The following SYT9 variants were observed in gnomAD, a reference collection of about 807,000 sequenced individuals.
The protein encoded by SYT9 is synaptotagmin 9.
Under a neutral mutation model 48.4 loss-of-function variants are expected in SYT9, and 22 were observed. The ratio of observed to expected loss-of-function variants is 0.45; its 90% CI spans 0.32 to 0.65. The LOEUF (loss-of-function observed/expected upper bound fraction) is 0.65. Among genes scored for constraint, SYT9 ranks in the 30% least tolerant of loss-of-function variants. SYT9 has a pLI of 0.03. For missense variants in SYT9, 577 were observed against 622.0 expected (o/e 0.93, Z 0.77); for synonymous variants, 265 against 245.0 (o/e 1.08, Z -0.76).
In SYT9 at chr11:7,420,608, C is replaced by T. The variant is rs1158329303; in HGVS notation, c.1440C>T (p.Pro480=). Residue 480 remains proline, a synonymous_variant, in exon 6 of 7, where the codon CCC becomes CCT. Coordinates refer to ENST00000318881, the MANE Select transcript of SYT9 (RefSeq NM_175733.4). ...AAATGTTGTCATATCCTCGGAAGCCCATTGCACACTGGCATTCCCTGGTGG... is the reference window on the plus strand; with the variant it reads ...AAATGTTGTCATATCCTCGGAAGCCTATTGCACACTGGCATTCCCTGGTGG... The part of the protein sequence containing the change: ...WSEMLSYPRK[P]IAHWHSLVEK... The T allele has an allele frequency of 1.2e-6, 2 of 1,614,184 alleles. No homozygotes were observed. The highest frequency in any genetic ancestry group is 8.5e-7 in the Non-Finnish European group (1 of 1,180,018).
intron 6 of SYT9, among the ~76,000 whole-genome samples, chr11:7,431,640 T>C (rs953052712): frequency 4.6e-5 from 7 of 152,092 alleles, no homozygotes; most frequent in South Asian, 2.1e-4. Context: ...TGATGAATGG[T>C]TTTGTGGGCC....
At chr11:7,379,089 T>TA (rs1340520377) in intron 3 of SYT9, among the ~76,000 whole-genome samples, 1 of 152,064 alleles carries the variant, frequency 6.6e-6, no homozygotes, top group Admixed American at 6.6e-5. Context: ...AAAATGAAAA[T>TA]AAAAAAGTCT....
Position 7,313,851 on chromosome 11 carries a change from A to T in SYT9, c.954A>T (p.Leu318Phe). 1 of 1,614,146 alleles carries T rather than the reference A, an allele frequency of 6.2e-7. No homozygotes were observed. The highest frequency in any genetic ancestry group is 8.5e-7 in the Non-Finnish European group (1 of 1,180,026). Residue 318 changes from leucine to phenylalanine, a missense_variant, in exon 3 of 7, where the codon TTA becomes TTT. Transcript: ENST00000318881. ...YDFDRFSRHDLIGQVVVDHFL... is the reference protein window; with the variant it reads ...YDFDRFSRHDFIGQVVVDHFL... ...TTGACAGGTTCTCTCGTCATGACTT[A>T]ATCGGCCAAGTGGTGGTGGATCACT...
At chr11:7,362,245 A>T (rs1479697127) in intron 3 of SYT9, among the ~76,000 whole-genome samples, 1 of 151,112 alleles carries the variant, frequency 6.6e-6, no homozygotes, top group Non-Finnish European at 1.5e-5. Context: ...CCTGGGTTCA[A>T]GTGATTCTCC....
At chr11:7,348,762 T>G (rs1368517462) in intron 3 of SYT9, among the ~76,000 whole-genome samples, 2 of 143,974 alleles carry the variant, frequency 1.4e-5, no homozygotes, top group African/African-American at 5.1e-5. Flanking sequence ...ATTGAGCTGA[T>G]CCCTTTTTAA....
At chr11:7,258,501 C>T (rs1047621241) in intron 1 of SYT9, among the ~76,000 whole-genome samples, 4 of 151,942 alleles carry the variant, frequency 2.6e-5, no homozygotes, top group African/African-American at 9.7e-5. Flanking sequence ...TTCATATGGC[C>T]TTGCACATGT....
At chr11:7,297,083 TGTGAGAGAGAGAGAGAGACAGA>T (rs1848826491) in intron 1 of SYT9, among the ~76,000 whole-genome samples, 1 of 74,992 alleles carries the variant, frequency 1.3e-5, no homozygotes, top group South Asian at 4.2e-4. Context: ...TGTGTGTGTG[TGTGAGAGAGAGAGAGAGACAGA>T]GAGAGAGAGA....
intron 6 of SYT9, among the ~76,000 whole-genome samples, chr11:7,454,996 A>G (rs949349308): frequency 3.9e-5 from 6 of 152,244 alleles, no homozygotes; most frequent in Non-Finnish European, 2.9e-5. Context: ...ATGAGAGAAA[A>G]CGAATTCAGC....
intron 6 of SYT9, among the ~76,000 whole-genome samples, chr11:7,453,361 A>G (rs1191885174): frequency 6.6e-6 from 1 of 152,126 alleles, no homozygotes; most frequent in East Asian, 1.9e-4. Flanking sequence ...CTTATCTATC[A>G]TCAGTTCCCA....
At chr11:7,322,798 C>T (rs1010780487) in intron 3 of SYT9, among the ~76,000 whole-genome samples, 10 of 151,950 alleles carry the variant, frequency 6.6e-5, no homozygotes, top group South Asian at 2.1e-4. Context: ...TCCTATGTGC[C>T]GCTCCTCCAA....
chr11:7,427,767 T>C (rs1847492267), intron 6 of SYT9: 1 of 152,230 alleles, frequency 6.6e-6, no homozygotes, highest in Non-Finnish European at 1.5e-5. Flanking sequence ...TGGTGAGATT[T>C]AGCATGCCAG....
At position 7,245,734 on chromosome 11, in the gene SYT9, C is replaced by A. The variant is rs1400688823; in HGVS notation, c.49+6818C>A. Among the ~76,000 whole-genome samples the A allele has an allele frequency of 1.3e-5, 2 of 152,170 alleles. 1 individual carries two copies. The highest frequency in any genetic ancestry group is 4.1e-4 in the South Asian group (2 of 4,820). On this transcript the variant is annotated intron_variant and NMD_transcript_variant, in intron 1 of 8. Coordinates refer to the SYT9 transcript ENST00000524820. Reference sequence around the variant, plus strand: ...GGAAGGGCAAAGAGACAAAAGGGGGCCAAACTCACCCTTTTATAACAGCAT... The same window carrying A: ...GGAAGGGCAAAGAGACAAAAGGGGGACAAACTCACCCTTTTATAACAGCAT...
At chr11:7,278,893 G>A (rs1231235794) in intron 1 of SYT9, among the ~76,000 whole-genome samples, 1 of 152,230 alleles carries the variant, frequency 6.6e-6, no homozygotes, top group Non-Finnish European at 1.5e-5. Context: ...GAACTTTAAG[G>A]AGGCATATTC....
chr11:7,324,865 C>T (rs1327670296), intron 3 of SYT9, among the ~76,000 whole-genome samples: 4 of 152,014 alleles, frequency 2.6e-5, no homozygotes, highest in African/African-American at 9.7e-5. Context: ...CTCATATCTA[C>T]ATCTTGAATA....
intron 3 of SYT9, among the ~76,000 whole-genome samples, chr11:7,362,226 C>T (rs905237392): frequency 6.7e-6 from 1 of 150,004 alleles, no homozygotes; most frequent in Non-Finnish European, 1.5e-5. Flanking sequence ...CTTACTGCAA[C>T]CTCCACCTCC....
chr11:7,275,239 A>C (rs890981372), intron 1 of SYT9, among the ~76,000 whole-genome samples: 1 of 151,838 alleles, frequency 6.6e-6, no homozygotes, highest in Non-Finnish European at 1.5e-5. Flanking sequence ...CCCCTCTCCA[A>C]ATGGTGTCTT....
At chr11:7,426,756 T>C (rs537906610) in intron 6 of SYT9, among the ~76,000 whole-genome samples, 1 of 152,278 alleles carries the variant, frequency 6.6e-6, no homozygotes, top group South Asian at 2.1e-4. Context: ...TCTACCTGTC[T>C]GGTGGAAACA....
chr11:7,302,047 T>A (rs1374057720), intron 1 of SYT9, among the ~76,000 whole-genome samples: 2 of 152,220 alleles, frequency 1.3e-5, no homozygotes, highest in Non-Finnish European at 2.9e-5. Context: ...CACTTCATTG[T>A]GTGCCTGTTG....
intron 2 of SYT9, among the ~76,000 whole-genome samples, chr11:7,310,241 C>T (rs1260730848): frequency 6.6e-6 from 1 of 152,118 alleles, no homozygotes; most frequent in Non-Finnish European, 1.5e-5. Flanking sequence ...TTAAGCGATT[C>T]TCCTGCCTCA....
Sources: allele counts gnomAD v4.1 joint callset (sites outside exome capture counted in the v4.1 genomes callset), GRCh38; gene constraint gnomAD v4.1.1; transcripts MANE v1.5; gene names NCBI Gene and HGNC (gene_info 2026-07-23, HGNC 2026-07-21).